SLC6A16: variants seen among roughly 807,000 people sequenced by gnomAD.
SLC6A16 encodes orphan sodium- and chloride-dependent neurotransmitter transporter NTT5.
Under a neutral mutation model 65.4 loss-of-function variants are expected in SLC6A16, and 54 were observed. The observed-to-expected ratio is 0.83, with a 90% confidence interval of 0.66 to 1.04. SLC6A16 has a LOEUF of 1.04. Ranked by LOEUF, SLC6A16 falls within the 50% of genes least tolerant of loss-of-function variation. The pLI, the probability that SLC6A16 is intolerant of heterozygous loss-of-function variation, is 0.00. For missense variants in SLC6A16, 816 were observed against 914.0 expected (o/e 0.89, Z 1.38); for synonymous variants, 330 against 346.5 (o/e 0.95, Z 0.53).
chr19:49,296,759 C>G (rs1300200406), intron 7 of SLC6A16, among the ~76,000 whole-genome samples: 1 of 152,068 alleles, frequency 6.6e-6, no homozygotes, highest in Non-Finnish European at 1.5e-5. Flanking sequence ...GAGGCTGAGG[C>G]GGGCAGATCA....
Position 49,290,113 on chromosome 19 carries a change from A to T in SLC6A16, c.*10T>A, listed in dbSNP as rs1359287055. ...TAAGGGATATGTTATGTGAAGCCAA[A>T]TTAATGAAGTTAGGAAGTCACATTA... On this transcript the variant is annotated 3_prime_UTR_variant, in exon 12 of 12. Coordinates refer to ENST00000335875, the MANE Select transcript of SLC6A16 (RefSeq NM_014037.3). The T allele has an allele frequency of 3.1e-6, 5 of 1,612,300 alleles. No homozygotes were observed. In the African/African-American group the frequency reaches 5.3e-5, roughly 17 times the overall value.
chr19:49,325,335 C>G, upstream of SLC6A16: 3 of 673,436 alleles, frequency 4.5e-6, no homozygotes, highest in Non-Finnish European at 5.5e-6. Context: ...CACGTGTGCA[C>G]ATCCTCTGAC....
At chr19:49,308,347 G>A (rs1040152624) in intron 7 of SLC6A16, among the ~76,000 whole-genome samples, 4 of 152,204 alleles carry the variant, frequency 2.6e-5, no homozygotes, top group African/African-American at 9.6e-5. Context: ...CAGCTACTCA[G>A]GAGGCTGAGG....
chr19:49,326,359 T>C (rs527285193), upstream of SLC6A16, among the ~76,000 whole-genome samples: 1 of 152,152 alleles, frequency 6.6e-6, no homozygotes, highest in East Asian at 1.9e-4. Flanking sequence ...AAAGAGGAAA[T>C]GAAAGTGAAA....
At chr19:49,291,767 T>A (rs563542902) in intron 10 of SLC6A16, among the ~76,000 whole-genome samples, 1 of 151,670 alleles carries the variant, frequency 6.6e-6, no homozygotes, top group Non-Finnish European at 1.5e-5. Flanking sequence ...ACAAGTGGGG[T>A]CTCTTGGTCT....
the SLC6A16 span, among the ~76,000 whole-genome samples, chr19:49,334,495 G>C: frequency 6.6e-6 from 1 of 151,148 alleles, no homozygotes; most frequent in East Asian, 2.0e-4. Flanking sequence ...AAACAAAAGA[G>C]AGATGAAGAG....
chr19:49,303,769 A>G (rs963644831), intron 7 of SLC6A16, among the ~76,000 whole-genome samples: 1 of 152,154 alleles, frequency 6.6e-6, no homozygotes, highest in Non-Finnish European at 1.5e-5. Context: ...GCACAAAACT[A>G]TTATCATATT....
intron 7 of SLC6A16, among the ~76,000 whole-genome samples, chr19:49,303,417 G>A (rs553989790): frequency 6.6e-6 from 1 of 152,260 alleles, no homozygotes; most frequent in South Asian, 2.1e-4. Flanking sequence ...GGGAAGCCAA[G>A]GCAGGCGGAT....
In SLC6A16 at chr19:49,293,205, C is replaced by T. The variant is rs761616937; in HGVS notation, c.1778+18G>A. 5 of 1,613,136 alleles carry T rather than the reference C, an allele frequency of 3.1e-6. No individual in the cohort carries two copies. The highest frequency in any genetic ancestry group is 2.2e-5 in the South Asian group (2 of 91,002). ...CTATAGTCCCATGCTTTGTGAGAACCTGGGCTTAGGACATCACCTCCTGGC... is the reference window on the plus strand; with the variant it reads ...CTATAGTCCCATGCTTTGTGAGAACTTGGGCTTAGGACATCACCTCCTGGC... On this transcript the variant is annotated intron_variant, in intron 10 of 11. Coordinates refer to ENST00000335875, the MANE Select transcript of SLC6A16 (RefSeq NM_014037.3).
In SLC6A16 at chr19:49,293,230, C is replaced by T; in HGVS notation, c.1771G>A (p.Ala591Thr). 1 of 1,614,008 alleles carries T rather than the reference C, an allele frequency of 6.2e-7. No homozygotes were observed. The highest frequency in any genetic ancestry group is 1.3e-5 in the African/African-American group (1 of 75,026). ...ETMAVSWAYGARRFLADLTIL... is the reference protein window; with the variant it reads ...ETMAVSWAYGTRRFLADLTIL... Reference sequence around the variant, plus strand: ...CTGGGCTTAGGACATCACCTCCTGGCCCCATAGGCCCAGGATACAGCCATG... The same window carrying T: ...CTGGGCTTAGGACATCACCTCCTGGTCCCATAGGCCCAGGATACAGCCATG... Residue 591 changes from alanine (A) to threonine (T), a missense_variant, in exon 10 of 12, where the codon GCC becomes ACC. Transcript: ENST00000335875.
intron 7 of SLC6A16, among the ~76,000 whole-genome samples, chr19:49,306,299 A>G (rs1466465834): frequency 2.7e-5 from 4 of 150,096 alleles, no homozygotes; most frequent in Non-Finnish European, 4.5e-5. Context: ...GTCTGTCTCA[A>G]AAAAAAAAAG....
intron 1 of SLC6A16, among the ~76,000 whole-genome samples, chr19:49,315,429 C>T (rs781221778): frequency 2.0e-5 from 3 of 151,988 alleles, no homozygotes; most frequent in Non-Finnish European, 4.4e-5. Context: ...ATGATGCTTC[C>T]ATAACATTAA....
intron 1 of SLC6A16, among the ~76,000 whole-genome samples, chr19:49,319,610 A>T (rs995669543): frequency 6.6e-6 from 1 of 152,020 alleles, no homozygotes; most frequent in Non-Finnish European, 1.5e-5. Flanking sequence ...CAGTTCTACA[A>T]TAATAACTGG....
At position 49,292,110 on chromosome 19, in the gene SLC6A16, A is replaced by T. The variant is rs113289368; in HGVS notation, c.1778+1113T>A. ...TTTCACCAGGCGGGGTGGCTCACGC[A>T]TGTAATCCTAGCACTTTGGGAGGCT... On this transcript the variant is annotated intron_variant, in intron 10 of 11. Coordinates refer to ENST00000335875, the MANE Select transcript of SLC6A16 (RefSeq NM_014037.3). The surrounding 1 kb of genome is among the most constrained non-coding windows in gnomAD (Gnocchi z 4.3). 0.03 allele frequency among the ~76,000 whole-genome samples: 4,622 copies of T among 152,210 alleles called. 234 individuals carry two copies. Among genetic ancestry groups the T allele is most frequent in the African/African-American group, 0.1 (4,346 of 41,512 alleles).
rs117263550 is a variant in SLC6A16 at position 49,324,678 on chromosome 19, A to G, written c.-65+370T>C. Among the ~76,000 whole-genome samples, 623 of 152,324 alleles carry G rather than the reference A, an allele frequency of 4.1e-3. 3 individuals are homozygous for G. The highest frequency in any genetic ancestry group is 6.8e-3 in the Non-Finnish European group (465 of 68,020). ...GAGCTGGTGTCCCATTTCTGCAAAAAGCAGAAAATAACTGCCCTAACAGAC... is the reference window on the plus strand; with the variant it reads ...GAGCTGGTGTCCCATTTCTGCAAAAGGCAGAAAATAACTGCCCTAACAGAC... On this transcript the variant is annotated intron_variant, in intron 1 of 11. Coordinates refer to ENST00000335875, the MANE Select transcript of SLC6A16 (RefSeq NM_014037.3).
intron 1 of SLC6A16, 78 bp downstream of exon 1, chr19:49,324,970 G>A (rs1970775401): frequency 2.2e-6 from 2 of 902,208 alleles, no homozygotes; most frequent in Non-Finnish European, 2.7e-6. Context: ...CAGTGGGCCC[G>A]GGCCTCGAAA....
chr19:49,290,631 T>C lies in SLC6A16; in HGVS notation c.1915A>G (p.Thr639Ala). The C allele has an allele frequency of 6.2e-7, 1 of 1,614,092 alleles. No homozygotes were observed. The highest frequency in any genetic ancestry group is 8.5e-7 in the Non-Finnish European group (1 of 1,180,004). The change falls in exon 11 of 12, where the codon ACC becomes GCC. Residue 639 changes from threonine to alanine, a missense_variant. Coordinates refer to ENST00000335875, the MANE Select transcript of SLC6A16 (RefSeq NM_014037.3). ...GTGCTTGAGTCCCAGGACATGTAGG[T>C]GATCGGCTTCATACAAAGATGAACC... ...MMVHLCMKPI[T>A]YMSWDSSTSK... is the part of the protein sequence containing the mutation.
chr19:49,323,446 T>A (rs2146181753), intron 1 of SLC6A16, among the ~76,000 whole-genome samples: 1 of 152,230 alleles, frequency 6.6e-6, no homozygotes, highest in Middle Eastern at 3.4e-3. Context: ...GGAGGAAATA[T>A]CTGAAAATCA....
chr19:49,332,764 A>C, the SLC6A16 span, among the ~76,000 whole-genome samples: 2 of 152,222 alleles, frequency 1.3e-5, no homozygotes, highest in Non-Finnish European at 2.9e-5. Flanking sequence ...ATTTTTGTAG[A>C]AAATGATGGG....
Sources: allele counts gnomAD v4.1 joint callset (sites outside exome capture counted in the v4.1 genomes callset), GRCh38; gene constraint gnomAD v4.1.1; non-coding constraint Gnocchi (gnomAD v3.1); transcripts MANE v1.5; gene names NCBI Gene and HGNC (gene_info 2026-07-23, HGNC 2026-07-21).